Variants in GPR19 observed in about 807,000 individuals in gnomAD.
GPR19 encodes the protein probable G protein-coupled receptor 19.
A neutral mutation model predicts 28.5 loss-of-function variants in GPR19; 14 were observed. The ratio of observed to expected loss-of-function variants is 0.49; its 90% CI spans 0.32 to 0.77. GPR19 has a LOEUF of 0.77. Among genes scored for constraint, GPR19 ranks in the 30% least tolerant of loss-of-function variants. The pLI, the probability that GPR19 is intolerant of heterozygous loss-of-function variation, is 0.03. For synonymous variants in GPR19, 173 were observed against 184.1 expected (o/e 0.94, Z 0.49); for missense variants, 409 against 504.1 (o/e 0.81, Z 1.81).
intron 2 of GPR19, among the ~76,000 whole-genome samples, chr12:12,691,349 C>T (rs1234408342): frequency 1.3e-5 from 2 of 152,080 alleles, no homozygotes; most frequent in Non-Finnish European, 2.9e-5. Context: ...AACTCAACCC[C>T]TGTGACCTCC....
upstream of GPR19, among the ~76,000 whole-genome samples, chr12:12,698,617 A>AT (rs11411021): frequency 0.92 from 138,476 of 149,846 alleles, 64,867 homozygotes; most frequent in East Asian, 1. Flanking sequence ...AACTTAAAGC[A>AT]TTTTTTTTTT....
chr12:12,688,288 A>C (rs941213574), intron 2 of GPR19, among the ~76,000 whole-genome samples: 4 of 152,214 alleles, frequency 2.6e-5, no homozygotes, highest in Non-Finnish European at 5.9e-5. Flanking sequence ...ATGTTACTGA[A>C]GTATTCTTTC....
At chr12:12,714,124 A>G in the GPR19 span, among the ~76,000 whole-genome samples, 1 of 152,250 alleles carries the variant, frequency 6.6e-6, no homozygotes, top group Non-Finnish European at 1.5e-5. Flanking sequence ...GAAAGAAGGA[A>G]TAAGCAAATT....
chr12:12,669,876 T>C (rs1945832994), intron 3 of GPR19, among the ~76,000 whole-genome samples: 1 of 152,184 alleles, frequency 6.6e-6, no homozygotes, highest in Non-Finnish European at 1.5e-5. Context: ...GGCCTTGAGA[T>C]AAAGACTCTG....
At chr12:12,706,660 A>G in the GPR19 span, among the ~76,000 whole-genome samples, 2 of 152,136 alleles carry the variant, frequency 1.3e-5, no homozygotes, top group Non-Finnish European at 2.9e-5. Flanking sequence ...TATCTCAGCA[A>G]CTGGTCATAC....
At chr12:12,687,422 G>A (rs1280094521) in intron 2 of GPR19, among the ~76,000 whole-genome samples, 1 of 152,182 alleles carries the variant, frequency 6.6e-6, no homozygotes, top group Non-Finnish European at 1.5e-5. Flanking sequence ...AGCATGCAGA[G>A]TTTTATGGGA....
chr12:12,695,498 G>C lies in GPR19; in HGVS notation c.-219C>G, dbSNP rs1946248186. On this transcript the variant is annotated 5_prime_UTR_variant, in exon 2 of 4. Coordinates refer to ENST00000651487, the MANE Select transcript of GPR19 (RefSeq NM_006143.3). ...GGGGCCAAATCCAATGCCGGTGCAG[G>C]TGTCCCATATATCCTGAGAGACAAA... The C allele has an allele frequency of 6.6e-6, 1 of 152,336 alleles. No homozygotes were observed. Among genetic ancestry groups the C allele is most frequent in the Non-Finnish European group, 1.5e-5 (1 of 68,048 alleles). 9.4% of individuals were successfully genotyped at this position (152,336 alleles called of 1,614,324 possible). A position where few individuals can be genotyped will look rare whatever the true frequency, so the allele number is the denominator to read the frequency against.
At chr12:12,709,225 G>C in the GPR19 span, among the ~76,000 whole-genome samples, 1 of 151,446 alleles carries the variant, frequency 6.6e-6, no homozygotes, top group Non-Finnish European at 1.5e-5. Flanking sequence ...TAAATGTAGG[G>C]AGTAGCACCT....
intron 3 of GPR19, among the ~76,000 whole-genome samples, chr12:12,679,331 T>C (rs990968234): frequency 1.3e-5 from 2 of 151,494 alleles, no homozygotes; most frequent in East Asian, 3.9e-4. Flanking sequence ...TGGCTCATGC[T>C]TGTAATCCCA....
At chr12:12,716,155 G>A in the GPR19 span, among the ~76,000 whole-genome samples, 2 of 152,316 alleles carry the variant, frequency 1.3e-5, no homozygotes, top group African/African-American at 4.8e-5. Context: ...AGCCCACACT[G>A]AGAGAGAAAT....
chr12:12,703,718 A>T, the GPR19 span, among the ~76,000 whole-genome samples: 1 of 152,124 alleles, frequency 6.6e-6, no homozygotes, highest in South Asian at 2.1e-4. Flanking sequence ...CTGAGTTAGG[A>T]GCCCAAGCCA....
At chr12:12,706,832 A>G in the GPR19 span, among the ~76,000 whole-genome samples, 1 of 151,898 alleles carries the variant, frequency 6.6e-6, no homozygotes, top group East Asian at 1.9e-4. Context: ...GAGGCCCATG[A>G]CCTCTTATCT....
intron 3 of GPR19, among the ~76,000 whole-genome samples, chr12:12,664,943 AAAAG>A (rs768997504): frequency 0.12 from 3,439 of 27,670 alleles, 436 homozygotes; most frequent in Non-Finnish European, 0.21. Context: ...AAAAAAAAAA[AAAAG>A]AAATCAGGAC....
In GPR19 at chr12:12,666,516, C is replaced by T. The variant is rs181619294; in HGVS notation, c.-22-4046G>A. ...TTGCTCTGGAGTGCAGCCTGGGTGT[C>T]GGATGTTTCAAAGTTCCCAGGTGAT... is the stretch of plus-strand genomic sequence containing the variant. On this transcript the variant is annotated intron_variant, in intron 3 of 3. Coordinates refer to ENST00000651487, the MANE Select transcript of GPR19 (RefSeq NM_006143.3). Among the ~76,000 whole-genome samples, 4 of 152,256 alleles carry T rather than the reference C, an allele frequency of 2.6e-5. No individual in the cohort carries two copies. The East Asian group carries it at 5.8e-4, about 22-fold the overall frequency.
At chr12:12,716,953 G>C in the GPR19 span, 4 of 985,354 alleles carry the variant, frequency 4.1e-6, no homozygotes, top group Non-Finnish European at 4.8e-6. Flanking sequence ...CTCCTAGCGA[G>C]CTGCCGGCGA....
chr12:12,673,871 C>A lies in GPR19; in HGVS notation c.-23+10480G>T, dbSNP rs568767777. The stretch of plus-strand genomic sequence containing the variant: ...TATGCCATTTTTTTTAACCCCCTCA[C>A]GCACATTTATGTTTTAAAAATACAA... On this transcript the variant is annotated intron_variant, in intron 3 of 3. Coordinates refer to ENST00000651487, the MANE Select transcript of GPR19 (RefSeq NM_006143.3). 7.2e-5 allele frequency among the ~76,000 whole-genome samples: 11 copies of A among 152,182 alleles called. No individual in the cohort carries two copies. The East Asian group carries it at 2.1e-3, about 29-fold the overall frequency.
intron 3 of GPR19, among the ~76,000 whole-genome samples, chr12:12,666,067 G>C (rs1218420341): frequency 1.3e-5 from 2 of 152,090 alleles, no homozygotes; most frequent in Non-Finnish European, 2.9e-5. Flanking sequence ...AGGAAGACAA[G>C]TGAATAAAAC....
chr12:12,706,867 T>C, the GPR19 span, among the ~76,000 whole-genome samples: 1 of 152,236 alleles, frequency 6.6e-6, no homozygotes, highest in Non-Finnish European at 1.5e-5. Context: ...TCTACTATAA[T>C]ACATGGTCTC....
At chr12:12,682,241 G>T (rs1946033727) in intron 3 of GPR19, among the ~76,000 whole-genome samples, 1 of 152,176 alleles carries the variant, frequency 6.6e-6, no homozygotes, top group African/African-American at 2.4e-5. Context: ...AGGGGGATTG[G>T]TGATCTCCAG....
Sources: allele counts gnomAD v4.1 joint callset (sites outside exome capture counted in the v4.1 genomes callset), GRCh38; gene constraint gnomAD v4.1.1; transcripts MANE v1.5; gene names NCBI Gene and HGNC (gene_info 2026-07-23, HGNC 2026-07-21).